Variants in CORO2B observed in about 807,000 individuals in gnomAD.
CORO2B encodes coronin-2B.
A neutral mutation model predicts 58.8 loss-of-function variants in CORO2B; 26 were observed. The observed-to-expected ratio is 0.44, with a 90% confidence interval of 0.32 to 0.61. The LOEUF (loss-of-function observed/expected upper bound fraction) is 0.61, where lower values mean the gene tolerates loss of function less well. CORO2B is among the 20% of genes least tolerant of loss of function. The pLI, the probability that CORO2B is intolerant of heterozygous loss-of-function variation, is 0.04. For missense variants in CORO2B, 460 were observed against 645.1 expected, an observed-to-expected ratio of 0.71 and a Z score of 3.11; for synonymous variants, 242 against 253.8, an observed-to-expected ratio of 0.95 and a Z score of 0.44.
chr15:68,713,150 G>A (rs1194143940), intron 5 of CORO2B, among the ~76,000 whole-genome samples: 1 of 152,194 alleles, frequency 6.6e-6, no homozygotes, highest in African/African-American at 2.4e-5. Flanking sequence ...AGTTAAGGAG[G>A]CACTCCCTGA....
chr15:68,553,850 G>A, the CORO2B span, among the ~76,000 whole-genome samples: 2 of 152,214 alleles, frequency 1.3e-5, no homozygotes, highest in African/African-American at 4.8e-5. Context: ...GACCGTGCAG[G>A]GCCTTACAAG....
chr15:68,611,775 CT>C (rs200948998), intron 1 of CORO2B, among the ~76,000 whole-genome samples: 1,548 of 139,854 alleles, frequency 0.011, 18 homozygotes, highest in African/African-American at 0.031. Context: ...CACTTTTTTT[CT>C]TTTTTTTTTT....
chr15:68,614,628 G>A (rs905575028), intron 1 of CORO2B, among the ~76,000 whole-genome samples: 14 of 152,202 alleles, frequency 9.2e-5, no homozygotes, highest in Admixed American at 2.6e-4. Flanking sequence ...GAGCCCTCAC[G>A]GTCAAGGATG....
intron 1 of CORO2B, among the ~76,000 whole-genome samples, chr15:68,595,582 C>T (rs1244970307): frequency 6.6e-6 from 1 of 152,216 alleles, no homozygotes; most frequent in Non-Finnish European, 1.5e-5. Flanking sequence ...CTGTTCTCAG[C>T]TCTGTGACTG....
intron 2 of CORO2B, among the ~76,000 whole-genome samples, chr15:68,657,535 A>G (rs1377362928): frequency 6.6e-6 from 1 of 151,792 alleles, no homozygotes; most frequent in Non-Finnish European, 1.5e-5. Flanking sequence ...AAAAAAAAAA[A>G]AGGAAATACA....
chr15:68,588,215 C>T (rs1041895402), intron 1 of CORO2B, among the ~76,000 whole-genome samples: 4 of 152,212 alleles, frequency 2.6e-5, no homozygotes, highest in African/African-American at 4.8e-5. Context: ...TAGCCCACTT[C>T]TCCCCTGCTG....
At chr15:68,721,588 C>A (rs1354771135) in intron 11 of CORO2B, among the ~76,000 whole-genome samples, 1 of 152,062 alleles carries the variant, frequency 6.6e-6, no homozygotes, top group Non-Finnish European at 1.5e-5. Flanking sequence ...CGCCTGTAAT[C>A]CCAGCTGCTC....
At chr15:68,538,949 A>G in the CORO2B span, among the ~76,000 whole-genome samples, 2,655 of 152,364 alleles carry the variant, frequency 0.017, 40 homozygotes, top group Non-Finnish European at 0.025. Context: ...TGATGGTTTG[A>G]AAAACCGTTA....
chr15:68,531,947 TG>T, the CORO2B span, among the ~76,000 whole-genome samples: 1 of 152,080 alleles, frequency 6.6e-6, no homozygotes, highest in Non-Finnish European at 1.5e-5. Flanking sequence ...AATTCTAGGT[TG>T]ACAGGATTTT....
rs1899350469 is a variant in CORO2B, at chr15:68,579,185, C to T, written c.-78C>T. ...AGCGAGCCGGGAGCTGCCGGACCCC[C>T]TTCCGCCGCCGCCCCGGGCCGCCGC... On this transcript the variant is annotated 5_prime_UTR_variant, in exon 1 of 12. Transcript: ENST00000261861. 2 of 990,074 alleles carry T rather than the reference C, an allele frequency of 2.0e-6. No individual in the cohort carries two copies. Among genetic ancestry groups the T allele is most frequent in the Non-Finnish European group, 2.4e-6 (2 of 835,982 alleles). The allele number at this position is 990,074 out of a possible 1,614,324, so 61.3% of individuals were successfully genotyped here. A position where few individuals can be genotyped will look rare whatever the true frequency, so the allele number is the denominator to read the frequency against.
chr15:68,595,290 T>A (rs571683703), intron 1 of CORO2B, among the ~76,000 whole-genome samples: 2 of 152,222 alleles, frequency 1.3e-5, no homozygotes, highest in Non-Finnish European at 2.9e-5. Context: ...TAAGCCCTGC[T>A]GTCCTGTGTC....
At chr15:68,559,836 C>G in the CORO2B span, among the ~76,000 whole-genome samples, 5 of 152,228 alleles carry the variant, frequency 3.3e-5, no homozygotes, top group African/African-American at 1.2e-4. The surrounding 1 kb of genome is among the most constrained non-coding windows in gnomAD (Gnocchi z 4.3). Flanking sequence ...CAGCAGGTCT[C>G]CCGCAAACGC....
intron 2 of CORO2B, among the ~76,000 whole-genome samples, chr15:68,679,175 C>G (rs750744161): frequency 4.6e-5 from 7 of 152,204 alleles, no homozygotes; most frequent in Admixed American, 1.3e-4. Flanking sequence ...AAGTGACATC[C>G]AAGGGAATCA....
the CORO2B span, among the ~76,000 whole-genome samples, chr15:68,546,934 AC>A: frequency 6.6e-6 from 1 of 152,206 alleles, no homozygotes; most frequent in East Asian, 1.9e-4. Flanking sequence ...CATCTTACGT[AC>A]CAATGGATTT....
intron 1 of CORO2B, among the ~76,000 whole-genome samples, chr15:68,623,390 T>C (rs1478458747): frequency 6.6e-6 from 1 of 152,166 alleles, no homozygotes; most frequent in Non-Finnish European, 1.5e-5. Flanking sequence ...TGGAAGGTCA[T>C]GTGGGAGCCC....
At chr15:68,545,948 G>A in the CORO2B span, among the ~76,000 whole-genome samples, 3 of 152,154 alleles carry the variant, frequency 2.0e-5, no homozygotes, top group Admixed American at 6.5e-5. Flanking sequence ...CTCCCAAAGG[G>A]ACTCATTTGC....
At chr15:68,691,733 G>T (rs1439225877) in intron 2 of CORO2B, among the ~76,000 whole-genome samples, 1 of 151,952 alleles carries the variant, frequency 6.6e-6, no homozygotes, top group Non-Finnish European at 1.5e-5. Context: ...CGAGTGCAGG[G>T]CTCTGGCCAC....
At chr15:68,701,628 G>A (rs1892653492) in intron 3 of CORO2B, among the ~76,000 whole-genome samples, 1 of 151,624 alleles carries the variant, frequency 6.6e-6, no homozygotes, top group Non-Finnish European at 1.5e-5. Context: ...TGGGACTACA[G>A]GTGCGCGCCA....
chr15:68,605,280 A>G (rs1900081301), intron 1 of CORO2B, among the ~76,000 whole-genome samples: 1 of 152,238 alleles, frequency 6.6e-6, no homozygotes, highest in African/African-American at 2.4e-5. Context: ...TTGGCAACAG[A>G]CACCACAAGC....
Sources: gnomAD v4.1 joint callset for allele counts (sites outside exome capture counted in the v4.1 genomes callset) on GRCh38, gnomAD v4.1.1 for gene constraint, Gnocchi (gnomAD v3.1) non-coding constraint, MANE v1.5 for transcripts, NCBI Gene and HGNC (gene_info 2026-07-23, HGNC 2026-07-21) for gene names.